Variants in CREB5 observed in about 807,000 individuals in gnomAD.
CREB5 encodes the protein cyclic AMP-responsive element-binding protein 5.
Under a neutral mutation model 57.1 loss-of-function variants are expected in CREB5, and 19 were observed. The ratio of observed to expected loss-of-function variants is 0.33; its 90% CI spans 0.23 to 0.49. The LOEUF (loss-of-function observed/expected upper bound fraction) is 0.49. CREB5 is among the 20% of genes least tolerant of loss of function. The pLI, the probability that CREB5 is intolerant of heterozygous loss-of-function variation, is 0.99. For synonymous variants in CREB5, 238 were observed against 238.3 expected (o/e 1.00, Z 0.01); for missense variants, 579 against 671.6 (o/e 0.86, Z 1.52).
intron 3 of CREB5, among the ~76,000 whole-genome samples, chr7:28,506,399 T>C (rs1792480184): frequency 6.6e-6 from 1 of 152,220 alleles, no homozygotes; most frequent in Non-Finnish European, 1.5e-5. Context: ...TAGAGAACTA[T>C]GCAGAGATTT....
rs544177292 is a variant in CREB5 at position 28,354,611 on chromosome 7, G to A, written c.-25+55170G>A. ...CAGAGAACCCTGACTAATACAAAAG[G>A]TTACAACCTAATTCAAGCTCCCACG... is the stretch of plus-strand genomic sequence containing the variant. On this transcript the variant is annotated intron_variant, in intron 1 of 9. Transcript: ENST00000396299. 3.3e-5 allele frequency among the ~76,000 whole-genome samples: 5 copies of A among 152,182 alleles called. No individual in the cohort carries two copies. The South Asian group carries it at 1.0e-3, about 32-fold the overall frequency.
At chr7:28,641,593 T>G (rs1798661657) in intron 5 of CREB5, among the ~76,000 whole-genome samples, 1 of 151,938 alleles carries the variant, frequency 6.6e-6, no homozygotes, top group South Asian at 2.1e-4. Flanking sequence ...GGTGTTTGCT[T>G]CAGGGAAAAA....
At position 28,535,352 on chromosome 7, in the gene CREB5, ATGGAAGGGAGGAAAGG is replaced by A. The variant is rs1197237571; in HGVS notation, c.291+27629_291+27644del. ...GAGGGAAGGAAAGAAGGAGGGAAGG[ATGGAAGGGAGGAAAGG>A]TGGAAGGGAGGAAGGGAGGAGGAGG... On this transcript the variant is annotated intron_variant, in intron 4 of 10. Transcript: ENST00000357727. Among the ~76,000 whole-genome samples, 7 of 136,960 alleles carry A rather than the reference ATGGAAGGGAGGAAAGG, an allele frequency of 5.1e-5. 1 individual carries two copies. The highest frequency in any genetic ancestry group is 8.1e-5 in the African/African-American group (3 of 36,966). 89.9% of individuals were successfully genotyped at this position (136,960 alleles called of 152,430 possible).
chr7:28,739,974 C>A (rs935633161), intron 7 of CREB5, among the ~76,000 whole-genome samples: 5 of 152,178 alleles, frequency 3.3e-5, no homozygotes, highest in Non-Finnish European at 5.9e-5. Context: ...TGCCAACTTA[C>A]ACGGAATAGT....
intron 5 of CREB5, among the ~76,000 whole-genome samples, chr7:28,638,810 T>C (rs1340179655): frequency 1.3e-5 from 2 of 152,132 alleles, no homozygotes; most frequent in Admixed American, 6.5e-5. Flanking sequence ...TCACATCCCA[T>C]AGCAAATCAG....
intron 1 of CREB5, among the ~76,000 whole-genome samples, chr7:28,313,599 T>C (rs1181234020): frequency 6.6e-6 from 1 of 152,132 alleles, no homozygotes; most frequent in Non-Finnish European, 1.5e-5. Flanking sequence ...GAGTGCCCAG[T>C]GTGTTTCGGG....
At chr7:28,718,316 T>G (rs1802816358) in intron 5 of CREB5, among the ~76,000 whole-genome samples, 2 of 152,174 alleles carry the variant, frequency 1.3e-5, no homozygotes, top group African/African-American at 4.8e-5. Context: ...AGTGAAAGTG[T>G]TTCCAGAGCA....
At chr7:28,555,489 AT>A (rs1359935918) in intron 4 of CREB5, among the ~76,000 whole-genome samples, 1 of 152,226 alleles carries the variant, frequency 6.6e-6, no homozygotes, top group Non-Finnish European at 1.5e-5. Flanking sequence ...GAAGATTTAA[AT>A]TTCTAAATCC....
chr7:28,577,158 G>T (rs1231982395), intron 5 of CREB5, among the ~76,000 whole-genome samples: 1 of 152,162 alleles, frequency 6.6e-6, no homozygotes, highest in Non-Finnish European at 1.5e-5. Context: ...GCTTCCCCAG[G>T]CCTGGTTTCC....
chr7:28,534,427 C>T lies in CREB5; in HGVS notation c.291+26690C>T, dbSNP rs184573626. Among the ~76,000 whole-genome samples the T allele has an allele frequency of 8.5e-5, 13 of 152,314 alleles. No homozygotes were observed. The East Asian group carries it at 2.5e-3, about 29-fold the overall frequency. On this transcript the variant is annotated intron_variant, in intron 4 of 10. Coordinates refer to ENST00000357727, the MANE Select transcript of CREB5 (RefSeq NM_182898.4). The stretch of plus-strand genomic sequence containing the variant: ...GTGGAGGAGAAGGGCTGGGTGGACC[C>T]CTTGCCTTAGGCTGAAGGGAAAACA...
At chr7:28,542,337 C>T (rs188715995) in intron 4 of CREB5, among the ~76,000 whole-genome samples, 125 of 152,258 alleles carry the variant, frequency 8.2e-4, no homozygotes, top group Non-Finnish European at 1.2e-3. Context: ...TACCTTAAGT[C>T]GTTGTTCCTG....
intron 7 of CREB5, among the ~76,000 whole-genome samples, chr7:28,732,115 G>A (rs569052445): frequency 2.6e-5 from 4 of 152,088 alleles, no homozygotes; most frequent in Non-Finnish European, 5.9e-5. Flanking sequence ...GTTTTGAAAC[G>A]CCCCTTTCCA....
chr7:28,627,785 C>T (rs1798056380), intron 5 of CREB5, among the ~76,000 whole-genome samples: 1 of 152,128 alleles, frequency 6.6e-6, no homozygotes, highest in African/African-American at 2.4e-5. Context: ...CAGCCTTAGA[C>T]AAACCTCAGG....
intron 8 of CREB5, among the ~76,000 whole-genome samples, chr7:28,806,180 A>G (rs900409036): frequency 6.6e-6 from 1 of 152,218 alleles, no homozygotes; most frequent in African/African-American, 2.4e-5. Flanking sequence ...CTAATTACCA[A>G]TTAGCCAATT....
intron 5 of CREB5, among the ~76,000 whole-genome samples, chr7:28,674,994 C>A (rs1301906287): frequency 6.6e-6 from 1 of 152,150 alleles, no homozygotes; most frequent in Non-Finnish European, 1.5e-5. Context: ...ATGAAACACA[C>A]CAATTTCCTT....
intron 7 of CREB5, among the ~76,000 whole-genome samples, chr7:28,770,742 C>G (rs1806277083): frequency 6.6e-6 from 1 of 152,074 alleles, no homozygotes; most frequent in East Asian, 1.9e-4. Context: ...AGTGTTCACT[C>G]TTATGTTTAA....
At chr7:28,331,179 C>T (rs1785709379) in intron 1 of CREB5, among the ~76,000 whole-genome samples, 1 of 152,056 alleles carries the variant, frequency 6.6e-6, no homozygotes, top group Non-Finnish European at 1.5e-5. Flanking sequence ...CAGTATTCCT[C>T]AACCATTTTT....
At chr7:28,660,381 G>GGT (rs1799554845) in intron 5 of CREB5, among the ~76,000 whole-genome samples, 1 of 119,260 alleles carries the variant, frequency 8.4e-6, no homozygotes, top group African/African-American at 3.3e-5. Context: ...GCATTCAACA[G>GGT]TTTTTTTTTT....
chr7:28,620,510 G>A lies in CREB5; in HGVS notation c.464+49973G>A, dbSNP rs566826121. 3.3e-5 allele frequency among the ~76,000 whole-genome samples: 5 copies of A among 152,244 alleles called. 1 individual carries two copies. Among genetic ancestry groups the A allele is most frequent in the South Asian group, 4.2e-4 (2 of 4,816 alleles). ...CTCTGGTGCCTAATAAAAGATCATCGTTATCTCTGGAGGGAATTCTCTCAG... is the reference window on the plus strand; with the variant it reads ...CTCTGGTGCCTAATAAAAGATCATCATTATCTCTGGAGGGAATTCTCTCAG... On this transcript the variant is annotated intron_variant, in intron 5 of 10. Transcript: ENST00000357727.
Sources: allele counts gnomAD v4.1 joint callset (sites outside exome capture counted in the v4.1 genomes callset), GRCh38; gene constraint gnomAD v4.1.1; transcripts MANE v1.5; gene names NCBI Gene and HGNC (gene_info 2026-07-23, HGNC 2026-07-21).